Variants in ZFPM1 observed in about 807,000 individuals in gnomAD.
ZFPM1 encodes zinc finger protein, FOG family member 1, also known as zinc finger protein ZFPM1.
A neutral mutation model predicts 46.3 loss-of-function variants in ZFPM1; 28 were observed. That is an observed-to-expected ratio of 0.60 (90% CI 0.45 to 0.83). The LOEUF is 0.83. Among genes scored for constraint, ZFPM1 ranks in the 40% least tolerant of loss-of-function variants. ZFPM1 has a pLI of 0.00. For synonymous variants in ZFPM1, 957 were observed against 675.9 expected, an observed-to-expected ratio of 1.42 and a Z score of -6.45; for missense variants, 1,878 against 1,432.4, an observed-to-expected ratio of 1.31 and a Z score of -5.02.
At position 88,471,941 on chromosome 16, in the gene ZFPM1, A is replaced by G. The variant is rs1908442070; in HGVS notation, c.41-13998A>G. On this transcript the variant is annotated intron_variant, in intron 1 of 9. Transcript: ENST00000319555. The surrounding 1 kb of genome is among the most constrained non-coding windows in gnomAD (Gnocchi z 4.1). ...GCAAGAGCCTTGGGTGGGCCGGGGC[A>G]GGGGCCGTGTGGTCTGCAGGGAGTG... 6.6e-6 allele frequency among the ~76,000 whole-genome samples: 1 copy of G among 152,172 alleles called. No homozygotes were observed. Among genetic ancestry groups the G allele is most frequent in the Non-Finnish European group, 1.5e-5 (1 of 68,014 alleles).
intron 1 of ZFPM1, among the ~76,000 whole-genome samples, chr16:88,477,706 G>A (rs1890156457): frequency 1.3e-5 from 2 of 152,224 alleles, no homozygotes; most frequent in Admixed American, 6.5e-5. Flanking sequence ...AAAAAGAAAA[G>A]AAAAGAAAAG....
chr16:88,500,127 G>C (rs1274441178), intron 3 of ZFPM1, among the ~76,000 whole-genome samples: 1 of 151,976 alleles, frequency 6.6e-6, no homozygotes, highest in Non-Finnish European at 1.5e-5. Context: ...TCCTGCCCCG[G>C]CCATCCCCCA....
intron 1 of ZFPM1, among the ~76,000 whole-genome samples, chr16:88,462,667 T>A (rs1907952083): frequency 6.6e-6 from 1 of 152,180 alleles, no homozygotes. Context: ...ATGGTTGGAA[T>A]CCTGGAGTGG....
intron 1 of ZFPM1, among the ~76,000 whole-genome samples, chr16:88,481,908 C>T (rs1440630394): frequency 6.6e-6 from 1 of 152,258 alleles, no homozygotes; most frequent in East Asian, 1.9e-4. Flanking sequence ...TTCATGTTCA[C>T]TGAGCACCTG....
Position 88,485,947 on chromosome 16 carries a change from G to A in ZFPM1, c.49G>A (p.Gly17Arg), listed in dbSNP as rs747051927. Residue 17 changes from glycine to arginine, a missense_variant, in exon 2 of 10, where the codon GGA (glycine) becomes AGA (arginine). Coordinates refer to ENST00000319555, the MANE Select transcript of ZFPM1 (RefSeq NM_153813.3). ...SNPRQIKRSL[G>R]DMEAREEVQL... ...TCGTCTTGTGTCCACAGGTTCCCTC[G>A]GAGACATGGAGGCCAGAGAGGAGGT... 45 of 1,612,696 alleles carry A rather than the reference G, an allele frequency of 2.8e-5. No homozygotes were observed. Among genetic ancestry groups the A allele is most frequent in the South Asian group, 3.3e-5 (3 of 91,074 alleles).
chr16:88,534,301 C>CG lies in ZFPM1; in HGVS notation c.2344dup (p.Ala782GlyfsTer295). The CG allele has an allele frequency of 8.0e-7, 1 of 1,255,236 alleles. No individual in the cohort carries two copies. Among genetic ancestry groups the CG allele is most frequent in the Non-Finnish European group, 1.0e-6 (1 of 1,001,250 alleles). The allele number at this position is 1,255,236 out of a possible 1,614,324, so 77.8% of individuals were successfully genotyped here. ...GCGGAAGCGGAAGCGGCCCCGGCCTCGCCCCTGCGCGCTCGCCCGGCCCCG... is the reference window on the plus strand; with the variant it reads ...GCGGAAGCGGAAGCGGCCCCGGCCTCGGCCCCTGCGCGCTCGCCCGGCCCCG... On this transcript the variant is annotated frameshift_variant, in exon 10 of 10. Coordinates refer to ENST00000319555, the MANE Select transcript of ZFPM1 (RefSeq NM_153813.3). LOFTEE classifies it low-confidence loss of function (END_TRUNC).
In ZFPM1 at chr16:88,534,837, C is replaced by T. The variant is rs1016613334; in HGVS notation, c.2879C>T (p.Pro960Leu). The part of the protein sequence containing the change: ...PSYSDKGVQT[P>L]SKGTPAPLPN... ...TACTCGGACAAGGGCGTCCAGACTCCCAGCAAGGGCACGCCGGCGCCGCTG... is the reference window on the plus strand; with the variant it reads ...TACTCGGACAAGGGCGTCCAGACTCTCAGCAAGGGCACGCCGGCGCCGCTG... Residue 960 changes from proline (P) to leucine (L), a missense_variant, in exon 10 of 10, where the codon CCC (proline) becomes CTC (leucine). Coordinates refer to ENST00000319555, the MANE Select transcript of ZFPM1 (RefSeq NM_153813.3). The T allele has an allele frequency of 7.0e-5, 108 of 1,553,532 alleles. No homozygotes were observed. The highest frequency in any genetic ancestry group is 1.7e-4 in the Middle Eastern group (1 of 5,926).
At chr16:88,532,532 C>G in intron 7 of ZFPM1, 82 bp from the exon 8 acceptor site, 8 of 1,424,224 alleles carry the variant, frequency 5.6e-6, no homozygotes, top group Non-Finnish European at 7.7e-6. Flanking sequence ...GATCACGGCC[C>G]TGGGCCCAGT....
At chr16:88,502,947 G>T (rs74035511) in intron 3 of ZFPM1, among the ~76,000 whole-genome samples, 1 of 152,184 alleles carries the variant, frequency 6.6e-6, no homozygotes, top group Non-Finnish European at 1.5e-5. Flanking sequence ...ACCCCCACCC[G>T]CCTTTAGCTG....
At chr16:88,514,063 C>T (rs1911132889) in intron 3 of ZFPM1, among the ~76,000 whole-genome samples, 1 of 152,202 alleles carries the variant, frequency 6.6e-6, no homozygotes, top group African/African-American at 2.4e-5. Flanking sequence ...AAACTCAGGC[C>T]AGCGTTGCAC....
intron 1 of ZFPM1, among the ~76,000 whole-genome samples, chr16:88,481,696 C>T (rs1388495831): frequency 2.6e-5 from 4 of 152,042 alleles, no homozygotes; most frequent in East Asian, 1.9e-4. Flanking sequence ...CTTTCCTGAC[C>T]GCCCCTACCT....
chr16:88,475,179 C>T (rs1908618730), intron 1 of ZFPM1, among the ~76,000 whole-genome samples: 1 of 152,248 alleles, frequency 6.6e-6, no homozygotes, highest in Admixed American at 6.5e-5. Flanking sequence ...GCCAGCCCTG[C>T]ACCAGAGCAG....
intron 1 of ZFPM1, among the ~76,000 whole-genome samples, chr16:88,483,535 G>A (rs1013891317): frequency 6.6e-6 from 1 of 152,024 alleles, no homozygotes; most frequent in Admixed American, 6.5e-5. Context: ...GAGATCTACC[G>A]GCGGCAGCCC....
chr16:88,527,588 A>G (rs145560120), intron 5 of ZFPM1, among the ~76,000 whole-genome samples: 48 of 151,926 alleles, frequency 3.2e-4, no homozygotes, highest in Admixed American at 5.9e-4. Context: ...CCAGGTGAAC[A>G]AGCCGGCCCC....
At chr16:88,481,479 C>A (rs1410845972) in intron 1 of ZFPM1, among the ~76,000 whole-genome samples, 2 of 147,920 alleles carry the variant, frequency 1.4e-5, no homozygotes, top group African/African-American at 2.5e-5. Flanking sequence ...CGCAAGTCGG[C>A]CTTGCTGGGC....
rs1167876504 is a variant in ZFPM1 at position 88,532,708 on chromosome 16, C to A, written c.1041C>A (p.Ser347Arg). The A allele has an allele frequency of 6.2e-7, 1 of 1,611,646 alleles. No homozygotes were observed. Among genetic ancestry groups the A allele is most frequent in the Non-Finnish European group, 8.5e-7 (1 of 1,179,222 alleles). The change falls in exon 8 of 10, where the codon AGC (serine) becomes AGA (arginine). Residue 347 changes from serine to arginine, a missense_variant and splice_region_variant. Transcript: ENST00000319555. ...TCAAGGTGCACACGGACACGCTGAG[C>A]GGTAGGCACCGCAGGGGCCGGGGGG... is the stretch of plus-strand genomic sequence containing the variant. ...RHLKVHTDTLSGVCHSCGFIS... is the reference protein window; with the variant it reads ...RHLKVHTDTLRGVCHSCGFIS...
chr16:88,510,582 T>C (rs537170459), intron 3 of ZFPM1, among the ~76,000 whole-genome samples: 5 of 152,338 alleles, frequency 3.3e-5, no homozygotes, highest in East Asian at 1.9e-4. Flanking sequence ...CTGAATAAAT[T>C]AGTCCTTGTC....
In ZFPM1 at chr16:88,469,685, C is replaced by A. The variant is rs1375420233; in HGVS notation, c.40+16007C>A. Among the ~76,000 whole-genome samples the A allele has an allele frequency of 6.6e-6, 1 of 152,198 alleles. No homozygotes were observed. The highest frequency in any genetic ancestry group is 2.4e-5 in the African/African-American group (1 of 41,448). ...CCTGGCTGGAGGCCCTGTCAGCTCC[C>A]ACGGCACCTGAAAATCAGCCACAGG... On this transcript the variant is annotated intron_variant, in intron 1 of 9. Coordinates refer to ENST00000319555, the MANE Select transcript of ZFPM1 (RefSeq NM_153813.3). This position sits in a 1 kb window ranked among gnomAD's most constrained non-coding sequence, Gnocchi z 4.3.
At chr16:88,468,320 G>T (rs1056584245) in intron 1 of ZFPM1, among the ~76,000 whole-genome samples, 2 of 152,104 alleles carry the variant, frequency 1.3e-5, no homozygotes, top group African/African-American at 4.8e-5. Context: ...CTGAGCACTC[G>T]GGGTGCTCTG....
Sources: allele counts gnomAD v4.1 joint callset (sites outside exome capture counted in the v4.1 genomes callset), GRCh38; gene constraint gnomAD v4.1.1; non-coding constraint Gnocchi (gnomAD v3.1); transcripts MANE v1.5; gene names NCBI Gene and HGNC (gene_info 2026-07-23, HGNC 2026-07-21).